Variants in TUSC3 observed in about 807,000 individuals in gnomAD.
The protein encoded by TUSC3 is dolichyl-diphosphooligosaccharide--protein glycosyltransferase subunit TUSC3.
A neutral mutation model predicts 44.8 loss-of-function variants in TUSC3; 45 were observed. The ratio of observed to expected loss-of-function variants is 1.00; its 90% CI spans 0.79 to 1.29. The LOEUF is 1.29. TUSC3 is among the 50% of genes most tolerant of loss of function. TUSC3 has a pLI of 0.00. For synonymous variants in TUSC3, 212 were observed against 152.9 expected (o/e 1.39, Z -2.85); for missense variants, 519 against 437.9 (o/e 1.19, Z -1.65).
intron 1 of TUSC3, among the ~76,000 whole-genome samples, chr8:15,439,011 C>G (rs1211711978): frequency 6.6e-6 from 1 of 152,170 alleles, no homozygotes; most frequent in Non-Finnish European, 1.5e-5. Flanking sequence ...AATCTATACC[C>G]TCTGACCGGA....
intron 6 of TUSC3, among the ~76,000 whole-genome samples, chr8:15,709,079 G>A (rs893570414): frequency 6.6e-6 from 1 of 151,928 alleles, no homozygotes; most frequent in African/African-American, 2.4e-5. Flanking sequence ...TATAAAAATG[G>A]TGTTTTTGTA....
chr8:15,642,295 T>C (rs530708900), intron 2 of TUSC3, among the ~76,000 whole-genome samples: 17 of 152,214 alleles, frequency 1.1e-4, no homozygotes, highest in Admixed American at 2.6e-4. Flanking sequence ...GAATAGTATG[T>C]GAATCTCTAT....
intron 9 of TUSC3, among the ~76,000 whole-genome samples, chr8:15,753,049 TTA>T (rs1341668090): frequency 6.6e-6 from 1 of 152,000 alleles, no homozygotes; most frequent in African/African-American, 2.4e-5. Flanking sequence ...TAAGTAATTT[TTA>T]TATCTTATTC....
intron 2 of TUSC3, among the ~76,000 whole-genome samples, chr8:15,521,948 C>G (rs1801305177): frequency 6.6e-6 from 1 of 152,194 alleles, no homozygotes; most frequent in Non-Finnish European, 1.5e-5. Context: ...ACCACAATTA[C>G]TTTTGCAGCA....
intron 2 of TUSC3, among the ~76,000 whole-genome samples, chr8:15,500,936 A>AG (rs1800955679): frequency 1.3e-5 from 2 of 152,210 alleles, no homozygotes; most frequent in Non-Finnish European, 2.9e-5. Context: ...AATTCTTACA[A>AG]GGTATAACAT....
At chr8:15,611,932 C>G (rs1804780096) in intron 1 of TUSC3, among the ~76,000 whole-genome samples, 1 of 152,178 alleles carries the variant, frequency 6.6e-6, no homozygotes, top group Non-Finnish European at 1.5e-5. Context: ...ATGCATCTGG[C>G]TGCTCATGTT....
At chr8:15,700,849 C>CTTGTTTTTTTTTTT (rs1809367194) in intron 6 of TUSC3, among the ~76,000 whole-genome samples, 1 of 90,532 alleles carries the variant, frequency 1.1e-5, no homozygotes. Context: ...ATGGCTGGAG[C>CTTGTTTTTTTTTTT]TTTTTTTTTT....
the TUSC3 span, among the ~76,000 whole-genome samples, chr8:15,842,252 A>G: frequency 6.6e-6 from 1 of 152,164 alleles, no homozygotes; most frequent in East Asian, 1.9e-4. Context: ...TTAGAAGTGC[A>G]TCCCGACTGA....
At chr8:15,568,605 C>CTT (rs113701042) in intron 1 of TUSC3, among the ~76,000 whole-genome samples, 5 of 140,748 alleles carry the variant, frequency 3.6e-5, no homozygotes, top group African/African-American at 7.8e-5. Context: ...TACACAAATT[C>CTT]TTTTTTTTTT....
rs187801223 is a variant in TUSC3 at position 15,527,519 on chromosome 8, G to A, written n.189+44036G>A. Among the ~76,000 whole-genome samples the A allele has an allele frequency of 3.5e-3, 532 of 152,186 alleles. 4 individuals carry two copies. The highest frequency in any genetic ancestry group is 0.012 in the African/African-American group (499 of 41,534). ...GATGTGAGTCACTGTGCCCGGCCTT[G>A]AATATTTCTTTTTAAAAAATATTTT... On this transcript the variant is annotated intron_variant and non_coding_transcript_variant, in intron 2 of 5. Transcript: ENST00000503191.
intron 1 of TUSC3, among the ~76,000 whole-genome samples, chr8:15,474,872 C>T (rs978069081): frequency 4.6e-5 from 7 of 152,198 alleles, no homozygotes; most frequent in Non-Finnish European, 1.0e-4. Flanking sequence ...ACCGTCTGTA[C>T]TAGCCTCCTA....
At chr8:15,803,265 G>GA in the TUSC3 span, among the ~76,000 whole-genome samples, 64 of 151,578 alleles carry the variant, frequency 4.2e-4, no homozygotes, top group Middle Eastern at 3.4e-3. Flanking sequence ...TCTTTCCCAG[G>GA]AAAAAAAATT....
intron 1 of TUSC3, among the ~76,000 whole-genome samples, chr8:15,552,159 G>C (rs1466458825): frequency 6.6e-6 from 1 of 151,746 alleles, no homozygotes; most frequent in Non-Finnish European, 1.5e-5. Flanking sequence ...ATTTTACGTA[G>C]AAATACTATT....
downstream of TUSC3, among the ~76,000 whole-genome samples, chr8:15,771,188 C>G (rs1812434287): frequency 6.6e-6 from 1 of 152,030 alleles, no homozygotes; most frequent in South Asian, 2.1e-4. Flanking sequence ...TAGTACCTTC[C>G]CAGAAAAAAG....
chr8:15,827,985 A>G, the TUSC3 span, among the ~76,000 whole-genome samples: 1 of 133,954 alleles, frequency 7.5e-6, no homozygotes, highest in Admixed American at 8.7e-5. Flanking sequence ...CTAATGCAGA[A>G]TTTGGTATCT....
At chr8:15,464,614 T>C (rs1223078040) in intron 1 of TUSC3, among the ~76,000 whole-genome samples, 1 of 152,222 alleles carries the variant, frequency 6.6e-6, no homozygotes, top group Admixed American at 6.5e-5. Flanking sequence ...TAATAAACTT[T>C]AAGTTACCTC....
the TUSC3 span, among the ~76,000 whole-genome samples, chr8:15,775,645 T>TATATATATAC: frequency 1.3e-4 from 18 of 134,502 alleles, no homozygotes; most frequent in Middle Eastern, 3.9e-3. Flanking sequence ...TATATATATA[T>TATATATATAC]ATATACACAC....
At chr8:15,538,695 G>C (rs1410883747), upstream of TUSC3, among the ~76,000 whole-genome samples, 1 of 152,024 alleles carries the variant, frequency 6.6e-6, no homozygotes, top group African/African-American at 2.4e-5. Flanking sequence ...TCGTTTCTTT[G>C]AATTATAAAG....
At chr8:15,730,637 C>A in intron 6 of TUSC3, 29 bp from the exon 7 acceptor site, 1 of 1,607,942 alleles carries the variant, frequency 6.2e-7, no homozygotes, top group Non-Finnish European at 8.5e-7. Flanking sequence ...CTTTCTCAGA[C>A]TGTAATTTCT....
Sources: gnomAD v4.1 joint callset for allele counts (sites outside exome capture counted in the v4.1 genomes callset) on GRCh38, gnomAD v4.1.1 for gene constraint, MANE v1.5 for transcripts, NCBI Gene and HGNC (gene_info 2026-07-23, HGNC 2026-07-21) for gene names.